The following RNFT2 variants were observed in gnomAD, a reference collection of about 807,000 sequenced individuals.
RNFT2 encodes the protein E3 ubiquitin-protein ligase RNFT2.
RNFT2 carries 36 observed loss-of-function variants against 53.0 expected under a neutral mutation model. The observed-to-expected ratio is 0.68, with a 90% CI of 0.52 to 0.90. RNFT2 has a LOEUF of 0.90. RNFT2 is among the 40% of genes least tolerant of loss of function. The pLI is 0.00. For synonymous variants in RNFT2, 260 were observed against 253.2 expected, an observed-to-expected ratio of 1.03 and a Z score of -0.26; for missense variants, 514 against 585.6, an observed-to-expected ratio of 0.88 and a Z score of 1.26.
intron 6 of RNFT2, among the ~76,000 whole-genome samples, chr12:116,775,278 AAGAG>A (rs904921042): frequency 3.5e-5 from 5 of 144,838 alleles, no homozygotes; most frequent in South Asian, 4.3e-4. Context: ...AAAAAAAAAA[AAGAG>A]AGAGAGAAGA....
chr12:116,748,695 G>A (rs1310183824), intron 3 of RNFT2: 2 of 451,948 alleles, frequency 4.4e-6, no homozygotes, highest in South Asian at 3.1e-5. Flanking sequence ...GGGGAACTGG[G>A]GGCCATTGAA....
chr12:116,805,514 G>A lies in RNFT2; in HGVS notation c.882+26166G>A, dbSNP rs1038819960. On this transcript the variant is annotated intron_variant, in intron 7 of 10. Coordinates refer to ENST00000257575, the MANE Select transcript of RNFT2 (RefSeq NM_001382266.1). ...TTTTGACACAGCGTCTCTCTCTGTC[G>A]CCCAGGCTGGAGTGCAGTGGCGCAA... Among the ~76,000 whole-genome samples the A allele has an allele frequency of 5.9e-5, 9 of 152,096 alleles. No individual in the cohort carries two copies. In the South Asian group the frequency reaches 1.0e-3, roughly 18 times the overall value.
Position 116,741,058 on chromosome 12 carries a change from G to C in RNFT2, c.47G>C (p.Arg16Pro). ...VNQVLRKMQR[R>P]HSSNTDNIPP... ...TAGGTGTTAAGGAAGATGCAGAGAC[G>C]CCACAGCAGCAACACGGATAACATT... The change falls in exon 3 of 11, where the codon CGC becomes CCC. Residue 16 changes from arginine to proline, a missense_variant. Physicochemically the swap from Arg to Pro is moderately radical, Grantham distance 103. Around this residue, in one of 3 missense-constraint regions of RNFT2, gnomAD observed 237 missense variants for 235.1 expected, o/e 1.01. Transcript: ENST00000257575. 1 of 1,610,892 alleles carries C rather than the reference G, an allele frequency of 6.2e-7. No homozygotes were observed. The highest frequency in any genetic ancestry group is 8.5e-7 in the Non-Finnish European group (1 of 1,178,526).
rs1877800514 is a variant in RNFT2 at position 116,849,475 on chromosome 12, G to A, written c.*27G>A. On this transcript the variant is annotated 3_prime_UTR_variant, in exon 11 of 11. Coordinates refer to ENST00000257575, the MANE Select transcript of RNFT2 (RefSeq NM_001382266.1). ...ACCGAACACTGAGGACACCCAGAAG[G>A]ACGCCAAGGGTCAGCATGCCCGGAC... is the stretch of plus-strand genomic sequence containing the variant. 6.4e-7 allele frequency: 1 copy of A among 1,563,974 alleles called. No individual in the cohort carries two copies. The highest frequency in any genetic ancestry group is 2.3e-5 in the East Asian group (1 of 43,508).
chr12:116,753,279 T>C lies in RNFT2; in HGVS notation c.551-705T>C, dbSNP rs893641818. Among the ~76,000 whole-genome samples the C allele has an allele frequency of 2.7e-5, 4 of 150,866 alleles. No homozygotes were observed. The Admixed American group carries it at 2.7e-4, about 10-fold the overall frequency. ...AGTTCTTGTGCCTCAGCCTCCTGGG[T>C]AGCTGTGACTACAGGCACATGCCAC... On this transcript the variant is annotated intron_variant, in intron 4 of 10. Coordinates refer to ENST00000257575, the MANE Select transcript of RNFT2 (RefSeq NM_001382266.1).
Position 116,853,304 on chromosome 12 carries a change from T to C in RNFT2, c.*3856T>C. On this transcript the variant is annotated 3_prime_UTR_variant, in exon 11 of 11. Transcript: ENST00000257575. ...GTTCACAGTATCCTGCCCTTATTAT[T>C]TTATGATTCACTGACTCAAGTTCCA... is the stretch of plus-strand genomic sequence containing the variant. 2.5e-6 allele frequency: 1 copy of C among 398,290 alleles called. No homozygotes were observed. Among genetic ancestry groups the C allele is most frequent in the Non-Finnish European group, 4.4e-6 (1 of 225,904 alleles). 24.7% of individuals were successfully genotyped at this position (398,290 alleles called of 1,614,324 possible). A position where few individuals can be genotyped will look rare whatever the true frequency, so the allele number is the denominator to read the frequency against.
At chr12:116,816,835 AT>A (rs1207153419) in intron 7 of RNFT2, among the ~76,000 whole-genome samples, 1 of 151,814 alleles carries the variant, frequency 6.6e-6, no homozygotes, top group African/African-American at 2.4e-5. Flanking sequence ...AAAACAAAAA[AT>A]AACAAATACT....
intron 7 of RNFT2, among the ~76,000 whole-genome samples, chr12:116,806,162 C>T (rs1311426242): frequency 1.3e-5 from 2 of 151,986 alleles, no homozygotes; most frequent in Admixed American, 6.6e-5. Context: ...GGGCAGATCA[C>T]TCGAGGCCAG....
intron 7 of RNFT2, among the ~76,000 whole-genome samples, chr12:116,818,358 C>T (rs2137176530): frequency 6.6e-6 from 1 of 151,986 alleles, no homozygotes; most frequent in East Asian, 1.9e-4. Context: ...GTCTGCAAAC[C>T]TGGGCTGGTA....
intron 7 of RNFT2, among the ~76,000 whole-genome samples, chr12:116,787,530 A>ATGCCATCTT (rs1461610716): frequency 2.6e-5 from 4 of 152,140 alleles, no homozygotes; most frequent in Non-Finnish European, 5.9e-5. Context: ...ACACAGCAAG[A>ATGCCATCTT]TGCCATCTTT....
chr12:116,852,731 TG>T lies in RNFT2; in HGVS notation c.*3286del. 5.0e-6 allele frequency: 8 copies of T among 1,609,438 alleles called. No homozygotes were observed. The highest frequency in any genetic ancestry group is 6.0e-6 in the Non-Finnish European group (7 of 1,175,720). Reference sequence around the variant, plus strand: ...TGTGTAAGGAAATAGAACAGTCTGCTGGGAGTCAGACCTGGAATTCTGATTC... The same window carrying T: ...TGTGTAAGGAAATAGAACAGTCTGCTGGAGTCAGACCTGGAATTCTGATTC... On this transcript the variant is annotated 3_prime_UTR_variant, in exon 11 of 11. Coordinates refer to ENST00000257575, the MANE Select transcript of RNFT2 (RefSeq NM_001382266.1).
chr12:116,846,213 A>G (rs964482292), intron 10 of RNFT2, among the ~76,000 whole-genome samples: 1 of 152,206 alleles, frequency 6.6e-6, no homozygotes, highest in African/African-American at 2.4e-5. Context: ...CTATCATAAT[A>G]GCTAATAGTT....
At chr12:116,776,354 G>A (rs557460290) in intron 6 of RNFT2, among the ~76,000 whole-genome samples, 4 of 152,168 alleles carry the variant, frequency 2.6e-5, no homozygotes, top group Non-Finnish European at 5.9e-5. Flanking sequence ...ATCTTCATTT[G>A]ATCATGATCA....
chr12:116,817,573 CT>C (rs1354534673), intron 7 of RNFT2, among the ~76,000 whole-genome samples: 1 of 152,240 alleles, frequency 6.6e-6, no homozygotes, highest in Non-Finnish European at 1.5e-5. Flanking sequence ...CTCCTCTCAG[CT>C]ACCAACAGAG....
At chr12:116,773,272 T>C (rs1232355158) in intron 6 of RNFT2, among the ~76,000 whole-genome samples, 1 of 152,168 alleles carries the variant, frequency 6.6e-6, no homozygotes, top group Non-Finnish European at 1.5e-5. Context: ...GCAAGTAACG[T>C]CTATTGACAC....
At chr12:116,846,922 T>G (rs1473052214) in intron 10 of RNFT2, among the ~76,000 whole-genome samples, 1 of 80,686 alleles carries the variant, frequency 1.2e-5, no homozygotes, top group Non-Finnish European at 2.6e-5. Flanking sequence ...TTTTTTTTTT[T>G]GAGATGGAAT....
chr12:116,755,356 C>A (rs1872454613), intron 5 of RNFT2: 2 of 758,610 alleles, frequency 2.6e-6, no homozygotes, highest in African/African-American at 1.8e-5. Context: ...TTTTTTATAG[C>A]CCAGAGGTCT....
At chr12:116,845,255 A>AT (rs1189084137) in intron 10 of RNFT2, among the ~76,000 whole-genome samples, 21 of 113,196 alleles carry the variant, frequency 1.9e-4, no homozygotes, top group African/African-American at 1.2e-3. Flanking sequence ...AAAAAAAAAA[A>AT]AAAATATATA....
intron 7 of RNFT2, among the ~76,000 whole-genome samples, chr12:116,826,235 A>G (rs1876328241): frequency 6.6e-6 from 1 of 151,720 alleles, no homozygotes; most frequent in African/African-American, 2.4e-5. Flanking sequence ...CATTTCTCTT[A>G]TTGTCCCACC....
Sources: allele counts gnomAD v4.1 joint callset (sites outside exome capture counted in the v4.1 genomes callset), GRCh38; gene constraint gnomAD v4.1.1; regional missense constraint gnomAD v4.1.1; transcripts MANE v1.5; gene names NCBI Gene and HGNC (gene_info 2026-07-23, HGNC 2026-07-21).